DSCAM: variants seen among roughly 807,000 people sequenced by gnomAD.
DSCAM encodes cell adhesion molecule DSCAM.
In DSCAM, 47 loss-of-function variants were observed where a neutral mutation model predicts 217.7. That is an observed-to-expected ratio of 0.22 (90% CI 0.17 to 0.28). The LOEUF (loss-of-function observed/expected upper bound fraction) is 0.28, where lower values mean the gene tolerates loss of function less well. DSCAM is among the 10% of genes least tolerant of loss of function. The pLI is 1.00. For missense variants in DSCAM, 2,080 were observed against 2,618.3 expected, an observed-to-expected ratio of 0.79 and a Z score of 4.49; for synonymous variants, 1,056 against 1,015.3, an observed-to-expected ratio of 1.04 and a Z score of -0.76.
At chr21:40,712,060 T>A (rs916163408) in intron 1 of DSCAM, among the ~76,000 whole-genome samples, 1 of 152,182 alleles carries the variant, frequency 6.6e-6, no homozygotes, top group African/African-American at 2.4e-5. Context: ...CAATAGAGCA[T>A]GAGCAATAAA....
At chr21:40,499,775 TTTTTTC>T (rs888521363) in intron 3 of DSCAM, among the ~76,000 whole-genome samples, 21 of 152,206 alleles carry the variant, frequency 1.4e-4, no homozygotes, top group African/African-American at 3.9e-4. Context: ...GCACCCTTCT[TTTTTTC>T]TTTTTCTTTT....
intron 3 of DSCAM, among the ~76,000 whole-genome samples, chr21:40,411,173 T>TACACACACAC (rs1491582508): frequency 7.4e-6 from 1 of 134,788 alleles, no homozygotes; most frequent in African/African-American, 3.0e-5. Context: ...ACAGTAATTA[T>TACACACACAC]ATACACACAC....
intron 19 of DSCAM, among the ~76,000 whole-genome samples, chr21:40,126,013 G>C (rs543521143): frequency 6.6e-6 from 1 of 152,152 alleles, no homozygotes; most frequent in Non-Finnish European, 1.5e-5. Context: ...TGCTGAAGAG[G>C]AGTCAGTTGT....
At chr21:40,830,132 A>C (rs531422012) in intron 1 of DSCAM, among the ~76,000 whole-genome samples, 1 of 152,314 alleles carries the variant, frequency 6.6e-6, no homozygotes, top group African/African-American at 2.4e-5. Context: ...ATTGGCTCAC[A>C]GTTCTGCAGG....
intron 3 of DSCAM, among the ~76,000 whole-genome samples, chr21:40,560,462 T>C (rs2076711730): frequency 6.6e-6 from 1 of 152,204 alleles, no homozygotes; most frequent in Non-Finnish European, 1.5e-5. Flanking sequence ...CTGATGCCGA[T>C]GTCCACCCCA....
At chr21:40,079,813 G>T (rs1373186428) in intron 25 of DSCAM, among the ~76,000 whole-genome samples, 1 of 41,192 alleles carries the variant, frequency 2.4e-5, no homozygotes, top group Non-Finnish European at 8.6e-5. Context: ...GTGGGAGCAA[G>T]GGTGGCTAAG....
chr21:40,342,074 C>A (rs780095217), intron 6 of DSCAM, among the ~76,000 whole-genome samples: 97 of 152,254 alleles, frequency 6.4e-4, no homozygotes, highest in Non-Finnish European at 1.4e-3. Flanking sequence ...TGCCTATTGG[C>A]CATCCGTGTG....
chr21:40,820,936 A>G (rs1488473801), intron 1 of DSCAM, among the ~76,000 whole-genome samples: 1 of 151,832 alleles, frequency 6.6e-6, no homozygotes, highest in Non-Finnish European at 1.5e-5. Context: ...TATATTATCA[A>G]TAATTTAGTA....
chr21:40,694,224 T>C (rs62223019), intron 2 of DSCAM, among the ~76,000 whole-genome samples: 8,078 of 152,278 alleles, frequency 0.053, 455 homozygotes, highest in African/African-American at 0.14. Flanking sequence ...AATGAGGGCA[T>C]TGTGGTGGGA....
chr21:40,564,365 C>T (rs1475980621), intron 3 of DSCAM, among the ~76,000 whole-genome samples: 4 of 152,114 alleles, frequency 2.6e-5, no homozygotes, highest in Middle Eastern at 3.2e-3. Context: ...TCACGGATGC[C>T]AGTAACTAAT....
intron 18 of DSCAM, among the ~76,000 whole-genome samples, chr21:40,134,255 C>T (rs1006791769): frequency 6.6e-6 from 1 of 152,058 alleles, no homozygotes; most frequent in African/African-American, 2.4e-5. Context: ...GTCTGGAAAA[C>T]GAAGTAATTC....
intron 3 of DSCAM, among the ~76,000 whole-genome samples, chr21:40,674,974 T>TA (rs1484140569): frequency 2.0e-5 from 3 of 151,586 alleles, no homozygotes; most frequent in Admixed American, 6.6e-5. Flanking sequence ...TTACTAAGAG[T>TA]AAAAATGCCA....
chr21:40,110,602 A>G (rs890766338), intron 20 of DSCAM, among the ~76,000 whole-genome samples: 3 of 152,208 alleles, frequency 2.0e-5, no homozygotes, highest in Admixed American at 6.5e-5. Context: ...AAGGCTTCAG[A>G]TGATCAAACG....
intron 1 of DSCAM, among the ~76,000 whole-genome samples, chr21:40,746,826 A>C (rs2091179644): frequency 6.6e-6 from 1 of 152,020 alleles, no homozygotes; most frequent in Non-Finnish European, 1.5e-5. Flanking sequence ...GTCACAAAAC[A>C]AGTCTTAGAA....
intron 3 of DSCAM, among the ~76,000 whole-genome samples, chr21:40,562,789 A>C (rs1431903652): frequency 1.3e-5 from 2 of 152,170 alleles, no homozygotes; most frequent in Admixed American, 1.3e-4. Context: ...TGGCCCTAAA[A>C]GGGAAAGAGG....
At chr21:40,395,107 C>CATTG (rs1189093213) in intron 3 of DSCAM, among the ~76,000 whole-genome samples, 2 of 152,174 alleles carry the variant, frequency 1.3e-5, no homozygotes, top group Non-Finnish European at 2.9e-5. Flanking sequence ...AAAATTCTAA[C>CATTG]TTCAATAAGA....
In DSCAM at chr21:40,013,312, C is replaced by T; in HGVS notation, c.5761G>A (p.Asp1921Asn). The part of the protein sequence containing the change: ...LNRGGPGTSR[D>N]LSLGQACLEP... ...AAGCATGCTTGTCCTAAGCTCAGGT[C>T]CCTGCTGGTGCCTGGACCACCTCGG... Residue 1921 changes from aspartate (D) to asparagine (N), a missense_variant, in exon 33 of 33, where the codon GAC becomes AAC. Coordinates refer to ENST00000400454, the MANE Select transcript of DSCAM (RefSeq NM_001389.5). The T allele has an allele frequency of 2.5e-6, 4 of 1,611,896 alleles. No individual in the cohort carries two copies. The highest frequency in any genetic ancestry group is 3.4e-6 in the Non-Finnish European group (4 of 1,179,052).
chr21:40,058,392 C>T (rs1378706796), intron 28 of DSCAM, among the ~76,000 whole-genome samples: 1 of 152,118 alleles, frequency 6.6e-6, no homozygotes, highest in Non-Finnish European at 1.5e-5. Context: ...ACTTATTACT[C>T]TCTAGCATAT....
At chr21:40,358,511 CA>C (rs751718723) in intron 4 of DSCAM, among the ~76,000 whole-genome samples, 3 of 151,992 alleles carry the variant, frequency 2.0e-5, no homozygotes, top group Non-Finnish European at 4.4e-5. Context: ...TAAACTTCTT[CA>C]AAATTAAGAA....
Sources: gnomAD v4.1 joint callset for allele counts (sites outside exome capture counted in the v4.1 genomes callset) on GRCh38, gnomAD v4.1.1 for gene constraint, MANE v1.5 for transcripts, NCBI Gene and HGNC (gene_info 2026-07-23, HGNC 2026-07-21) for gene names.